The following PDE2A variants were observed in gnomAD, a reference collection of about 807,000 sequenced individuals.
PDE2A encodes cGMP-dependent 3',5'-cyclic phosphodiesterase.
In PDE2A, 53 loss-of-function variants were observed where a neutral mutation model predicts 133.6. The ratio of observed to expected loss-of-function variants is 0.40; its 90% CI spans 0.32 to 0.50. PDE2A has a LOEUF of 0.50. PDE2A is among the 20% of genes least tolerant of loss of function. The pLI is 0.73. For synonymous variants in PDE2A, 491 were observed against 490.2 expected (o/e 1.00, Z -0.02); for missense variants, 796 against 1,232.4 (o/e 0.65, Z 5.30).
chr11:72,581,885 G>A lies in PDE2A; in HGVS notation c.1914C>T (p.Thr638=), dbSNP rs374949215. 5 of 1,613,874 alleles carry A rather than the reference G, an allele frequency of 3.1e-6. No homozygotes were observed. The Admixed American group carries it at 8.3e-5, about 27-fold the overall frequency. The stretch of plus-strand genomic sequence containing the variant: ...TCTGTGGGCGCACGAACCGGGCCAG[G>A]GTCGGGCAGTCAATTTTGTAGTTGT... The part of the protein sequence containing the change: ...FINNYKIDCP[T]LARFCLMVKK... Residue 638 remains threonine, a synonymous_variant, in exon 22 of 31, where the codon ACC becomes ACT. Coordinates refer to ENST00000334456, the MANE Select transcript of PDE2A (RefSeq NM_002599.5).
Position 72,583,364 on chromosome 11 carries a change from G to T in PDE2A, c.1728+74C>A. ...TATCCTCTCATCCTCAGTAGAGATT[G>T]ATCAGGAAGCCCTGCCTGGCCCTGG... is the stretch of plus-strand genomic sequence containing the variant. On this transcript the variant is annotated intron_variant, in intron 20 of 30. Coordinates refer to ENST00000334456, the MANE Select transcript of PDE2A (RefSeq NM_002599.5). 4.9e-6 allele frequency: 5 copies of T among 1,030,040 alleles called. No individual in the cohort carries two copies. In the South Asian group the frequency reaches 5.1e-5, roughly 10 times the overall value. The allele number at this position is 1,030,040 out of a possible 1,614,324, so 63.8% of individuals were successfully genotyped here. A position where few individuals can be genotyped will look rare whatever the true frequency, so the allele number is the denominator to read the frequency against.
At position 72,586,189 on chromosome 11, in the gene PDE2A, A is replaced by T; in HGVS notation, c.1071-8T>A. On this transcript the variant is annotated splice_polypyrimidine_tract_variant and splice_region_variant and intron_variant, in intron 13 of 30. Transcript: ENST00000334456. ...TCGTCCTCGTCGGTGAACCTGGAGG[A>T]GGGGGTGGGCTCACTCAGGAGGGAA... is the stretch of plus-strand genomic sequence containing the variant. 13 of 1,491,066 alleles carry T rather than the reference A, an allele frequency of 8.7e-6. No individual in the cohort carries two copies. Among genetic ancestry groups the T allele is most frequent in the South Asian group, 1.1e-5 (1 of 87,348 alleles). The allele number at this position is 1,491,066 out of a possible 1,614,324, so 92.4% of individuals were successfully genotyped here. A position where few individuals can be genotyped will look rare whatever the true frequency, so the allele number is the denominator to read the frequency against.
intron 1 of PDE2A, among the ~76,000 whole-genome samples, chr11:72,645,274 T>C (rs1859102403): frequency 6.6e-6 from 1 of 152,186 alleles, no homozygotes; most frequent in South Asian, 2.1e-4. Flanking sequence ...TATTTCCCCA[T>C]CTGTGAAATG....
At chr11:72,640,182 C>T (rs890146434) in intron 2 of PDE2A, among the ~76,000 whole-genome samples, 10 of 152,016 alleles carry the variant, frequency 6.6e-5, no homozygotes, top group African/African-American at 1.9e-4. Flanking sequence ...TCTCCCACCA[C>T]GCACCTCACA....
Position 72,590,256 on chromosome 11 carries a change from A to C in PDE2A, c.704-12T>G. 1 of 1,551,362 alleles carries C rather than the reference A, an allele frequency of 6.4e-7. No individual in the cohort carries two copies. Among genetic ancestry groups the C allele is most frequent in the Non-Finnish European group, 8.7e-7 (1 of 1,146,804 alleles). ...GTCGTAGAGTTCCCCTGCAAGGGCC[A>C]GGCGCCGGTCAGAGAGAGGGCCCCT... On this transcript the variant is annotated splice_polypyrimidine_tract_variant and intron_variant, in intron 8 of 30. Transcript: ENST00000334456. The surrounding 1 kb of genome is among the most constrained non-coding windows in gnomAD (Gnocchi z 4.8).
intron 1 of PDE2A, among the ~76,000 whole-genome samples, chr11:72,648,062 G>A (rs139504234): frequency 5.3e-5 from 8 of 152,292 alleles, no homozygotes; most frequent in South Asian, 4.1e-4. Flanking sequence ...TAGCATGTGC[G>A]TGCTTTCACG....
intron 4 of PDE2A, 104 bp downstream of exon 4, chr11:72,605,034 A>T: frequency 3.1e-6 from 2 of 641,326 alleles, no homozygotes; most frequent in Non-Finnish European, 5.3e-6. Flanking sequence ...GGCGGGGATC[A>T]ATGTTGGAAG....
At chr11:72,658,279 T>C (rs543980771) in intron 1 of PDE2A, 46 of 375,108 alleles carry the variant, frequency 1.2e-4, no homozygotes, top group Admixed American at 1.2e-3. Context: ...CCCCAGGTTA[T>C]GGAGGAAACA....
chr11:72,582,345 A>C (rs1281768200), intron 21 of PDE2A, 99 bp downstream of exon 21: 1 of 1,226,794 alleles, frequency 8.2e-7, no homozygotes, highest in East Asian at 2.4e-5. Context: ...GCCTTCCTTG[A>C]TGACTCTGTC....
intron 22 of PDE2A, 39 bp from the exon 23 acceptor site, chr11:72,581,518 C>T (rs752487777): frequency 7.1e-6 from 11 of 1,559,742 alleles, no homozygotes; most frequent in Middle Eastern, 1.8e-4. Context: ...GCCTCAGCCT[C>T]TCCTCCTCCA....
At chr11:72,602,888 C>G (rs532257104) in intron 4 of PDE2A, among the ~76,000 whole-genome samples, 1 of 152,344 alleles carries the variant, frequency 6.6e-6, no homozygotes, top group African/African-American at 2.4e-5. Context: ...CTGGGAGCTC[C>G]TGAGAGCAGG....
chr11:72,623,734 T>G (rs1857902217), intron 2 of PDE2A, among the ~76,000 whole-genome samples: 1 of 152,146 alleles, frequency 6.6e-6, no homozygotes, highest in Non-Finnish European at 1.5e-5. Flanking sequence ...AATTGTTCTC[T>G]GGTTTTCCCT....
intron 1 of PDE2A, among the ~76,000 whole-genome samples, chr11:72,672,567 T>C (rs927168760): frequency 6.6e-6 from 1 of 152,154 alleles, no homozygotes; most frequent in Non-Finnish European, 1.5e-5. Flanking sequence ...GCTCTCTGGA[T>C]AAAGCCTAAG....
At chr11:72,595,232 C>T (rs1320121144) in intron 6 of PDE2A, among the ~76,000 whole-genome samples, 1 of 152,178 alleles carries the variant, frequency 6.6e-6, no homozygotes. Flanking sequence ...CACCCCAGGC[C>T]CTTTGCCCTC....
intron 2 of PDE2A, among the ~76,000 whole-genome samples, chr11:72,625,795 G>GC (rs1829976570): frequency 6.6e-6 from 1 of 152,212 alleles, no homozygotes; most frequent in African/African-American, 2.4e-5. Flanking sequence ...CCCAGCAAGG[G>GC]CGCTGCCAAG....
At chr11:72,634,785 C>T (rs1858597476) in intron 2 of PDE2A, among the ~76,000 whole-genome samples, 1 of 152,212 alleles carries the variant, frequency 6.6e-6, no homozygotes, top group Non-Finnish European at 1.5e-5. Flanking sequence ...TTTCCTTGAC[C>T]CCTTCTCACT....
intron 13 of PDE2A, among the ~76,000 whole-genome samples, chr11:72,586,441 A>G (rs1855977864): frequency 6.6e-6 from 1 of 152,178 alleles, no homozygotes; most frequent in African/African-American, 2.4e-5. Context: ...CCCAGCCCAA[A>G]GCTGGGTCTC....
chr11:72,621,475 A>G (rs1014004930), intron 2 of PDE2A, among the ~76,000 whole-genome samples: 15 of 152,204 alleles, frequency 9.9e-5, no homozygotes, highest in African/African-American at 3.4e-4. Context: ...ACAAGAAGAC[A>G]TGACACCTGT....
intron 2 of PDE2A, among the ~76,000 whole-genome samples, chr11:72,619,075 C>T (rs1857621108): frequency 6.6e-6 from 1 of 152,206 alleles, no homozygotes; most frequent in Admixed American, 6.5e-5. Context: ...CACACACGCA[C>T]ACACTGGGCT....
Sources: allele counts gnomAD v4.1 joint callset (sites outside exome capture counted in the v4.1 genomes callset), GRCh38; gene constraint gnomAD v4.1.1; non-coding constraint Gnocchi (gnomAD v3.1); transcripts MANE v1.5; gene names NCBI Gene and HGNC (gene_info 2026-07-23, HGNC 2026-07-21).